GALNS: variants seen among roughly 807,000 people sequenced by gnomAD.
The protein encoded by GALNS is galactosamine (N-acetyl)-6-sulfatase, also known as N-acetylgalactosamine-6-sulfatase.
In GALNS, 65 loss-of-function variants were observed where a neutral mutation model predicts 65.9. The ratio of observed to expected loss-of-function variants is 0.99; its 90% confidence interval spans 0.81 to 1.21. The LOEUF (loss-of-function observed/expected upper bound fraction) is 1.21, where lower values mean the gene tolerates loss of function less well. Among genes scored for constraint, GALNS ranks in the 50% most tolerant of loss-of-function variants. The pLI, the probability that GALNS is intolerant of heterozygous loss-of-function variation, is 0.00. For synonymous variants in GALNS, 346 were observed against 288.9 expected (o/e 1.20, Z -2.00); for missense variants, 776 against 700.7 (o/e 1.11, Z -1.21).
In GALNS at chr16:88,842,418, C is replaced by T. The variant is rs1967019916; in HGVS notation, c.244+288G>A. 1.1e-5 allele frequency: 6 copies of T among 545,020 alleles called. No homozygotes were observed. In the South Asian group the frequency reaches 1.2e-4, roughly 11 times the overall value. 33.8% of individuals were successfully genotyped at this position (545,020 alleles called of 1,614,324 possible). On this transcript the variant is annotated intron_variant, in intron 2 of 13. Transcript: ENST00000268695. ...GGTACCCTGAGACGGAGCCACACTG[C>T]AGCACCTCTCCCCAGGCGGCCACAG...
intron 9 of GALNS, among the ~76,000 whole-genome samples, chr16:88,827,315 G>C (rs1911034194): frequency 6.6e-6 from 1 of 152,200 alleles, no homozygotes; most frequent in African/African-American, 2.4e-5. Flanking sequence ...GACACACCCA[G>C]AGAGCTCCAG....
At chr16:88,855,578 G>C (rs1261096501) in intron 1 of GALNS, 2 of 685,230 alleles carry the variant, frequency 2.9e-6, no homozygotes, top group Admixed American at 4.2e-5. Flanking sequence ...ACTGTCGGCT[G>C]TCACCCCTGG....
chr16:88,814,317 T>G lies in GALNS; in HGVS notation c.*122A>C. Reference sequence around the variant, plus strand: ...TGGAATTGTGCAGTCCCCCTGCGTCTGCAGGTGCTGTCTGTCTGGCTTGGG... The same window carrying G: ...TGGAATTGTGCAGTCCCCCTGCGTCGGCAGGTGCTGTCTGTCTGGCTTGGG... On this transcript the variant is annotated 3_prime_UTR_variant, in exon 14 of 14. Transcript: ENST00000268695. 7.7e-7 allele frequency: 1 copy of G among 1,303,292 alleles called. No individual in the cohort carries two copies. The highest frequency in any genetic ancestry group is 1.1e-6 in the Non-Finnish European group (1 of 924,726). The allele number at this position is 1,303,292 out of a possible 1,614,324, so 80.7% of individuals were successfully genotyped here.
At position 88,856,786 on chromosome 16, in the gene GALNS, G is replaced by A. The variant is rs771296544; in HGVS notation, c.92C>T (p.Pro31Leu). The A allele has an allele frequency of 2.6e-6, 4 of 1,543,384 alleles. No individual in the cohort carries two copies. In the South Asian group the frequency reaches 3.6e-5, roughly 14 times the overall value. The change falls in exon 1 of 14, where the codon CCC (proline) becomes CTC (leucine). Residue 31 changes from proline (P) to leucine (L), a missense_variant. Coordinates refer to ENST00000268695, the MANE Select transcript of GALNS (RefSeq NM_000512.5). Reference sequence around the variant, plus strand: ...GTCCATGAGCAGGAGCAGGATGTTGGGGGGCTGCGGGGCGCCCGAGGCCCC... The same window carrying A: ...GTCCATGAGCAGGAGCAGGATGTTGAGGGGCTGCGGGGCGCCCGAGGCCCC... Reference protein sequence around the residue: ...GMGASGAPQPPNILLLLMDDM... With the variant: ...GMGASGAPQPLNILLLLMDDM...
In GALNS at chr16:88,837,534, T is replaced by C. The variant is rs970228854; in HGVS notation, c.566+88A>G. Reference sequence around the variant, plus strand: ...CAGACCAGCCCTCATGAGTGGCGACTTGAGCCCACCAGTGCTAGAGGCGGG... The same window carrying C: ...CAGACCAGCCCTCATGAGTGGCGACCTGAGCCCACCAGTGCTAGAGGCGGG... On this transcript the variant is annotated intron_variant, in intron 5 of 13. Transcript: ENST00000268695. 3.5e-6 allele frequency: 5 copies of C among 1,414,046 alleles called. No individual in the cohort carries two copies. The African/African-American group carries it at 7.0e-5, about 20-fold the overall frequency. The allele number at this position is 1,414,046 out of a possible 1,614,324, so 87.6% of individuals were successfully genotyped here.
rs368128023 is a variant in GALNS, at chr16:88,842,782, G to C, written c.168C>G (p.Thr56=). 6.1e-5 allele frequency: 99 copies of C among 1,613,202 alleles called. No individual in the cohort carries two copies. The Middle Eastern group carries it at 8.2e-4, about 13-fold the overall frequency. The change falls in exon 2 of 14, where the codon ACC becomes ACG. Residue 56 remains threonine, a synonymous_variant. Coordinates refer to ENST00000268695, the MANE Select transcript of GALNS (RefSeq NM_000512.5). ...CTGCAGCCATCCGGTCCAAATTCGG[G>C]GTCTCTCTGGAGGGCTCTCCATACA... is the stretch of plus-strand genomic sequence containing the variant. ...LGVYGEPSRE[T]PNLDRMAAEG...
Position 88,826,778 on chromosome 16 carries a change from GGCCC to G in GALNS, c.1059_1062del (p.Gly354Ter). 6.2e-7 allele frequency: 1 copy of G among 1,604,592 alleles called. No individual in the cohort carries two copies. The highest frequency in any genetic ancestry group is 1.1e-5 in the South Asian group (1 of 89,748). On this transcript the variant is annotated frameshift_variant, in exon 10 of 14. Transcript: ENST00000268695. LOFTEE classifies it high-confidence loss of function. ...ATGGCCCTGTCGCTGGGCGGCGTCAGGCCCGCAAGGGCCAGGCTGGTGGTGAAGA... is the reference window on the plus strand; with the variant it reads ...ATGGCCCTGTCGCTGGGCGGCGTCAGGCAAGGGCCAGGCTGGTGGTGAAGA...
chr16:88,830,705 G>C (rs74035853), intron 9 of GALNS, among the ~76,000 whole-genome samples: 2 of 152,184 alleles, frequency 1.3e-5, no homozygotes, highest in African/African-American at 4.8e-5. Context: ...AGGAGATGCA[G>C]TGACAGCATG....
At chr16:88,842,289 C>T (rs920328504) in intron 2 of GALNS, 3 of 532,370 alleles carry the variant, frequency 5.6e-6, no homozygotes, top group Non-Finnish European at 6.8e-6. Flanking sequence ...GCACCAGCCC[C>T]GTGCCCTGCC....
intron 11 of GALNS, among the ~76,000 whole-genome samples, chr16:88,824,063 C>T (rs12927630): frequency 0.38 from 57,551 of 152,012 alleles, 11,081 homozygotes; most frequent in East Asian, 0.61. Flanking sequence ...CACTTCCAGT[C>T]TTTAGACTCT....
chr16:88,841,522 C>A (rs1009793782), intron 3 of GALNS, among the ~76,000 whole-genome samples: 3 of 152,192 alleles, frequency 2.0e-5, no homozygotes, highest in Non-Finnish European at 4.4e-5. Flanking sequence ...CTGTGAGATG[C>A]CCCTGGGGAG....
Position 88,835,243 on chromosome 16 carries a change from C to T in GALNS, c.868G>A (p.Gly290Ser), listed in dbSNP as rs975409254. ...NTFVFFTSDN[G>S]AALISAPEQG... ...TCGGGGGCGGAAATGAGGGCAGCGCCGTTGTCCGACGTGAAGAAGACGAAG... is the reference window on the plus strand; with the variant it reads ...TCGGGGGCGGAAATGAGGGCAGCGCTGTTGTCCGACGTGAAGAAGACGAAG... Residue 290 changes from glycine to serine, a missense_variant, in exon 8 of 14, where the codon GGC becomes AGC. Gly to Ser is a moderately conservative substitution (Grantham distance 56). Coordinates refer to ENST00000268695, the MANE Select transcript of GALNS (RefSeq NM_000512.5). The T allele has an allele frequency of 9.4e-6, 15 of 1,601,908 alleles. No individual in the cohort carries two copies. The highest frequency in any genetic ancestry group is 2.7e-5 in the African/African-American group (2 of 74,774).
At chr16:88,818,439 G>A (rs1025489994) in intron 12 of GALNS, among the ~76,000 whole-genome samples, 1 of 152,174 alleles carries the variant, frequency 6.6e-6, no homozygotes, top group African/African-American at 2.4e-5. Flanking sequence ...GGGATATGTG[G>A]GCTGGGGCCT....
intron 12 of GALNS, among the ~76,000 whole-genome samples, chr16:88,819,489 G>A (rs1160452482): frequency 1.3e-5 from 2 of 152,192 alleles, no homozygotes; most frequent in African/African-American, 2.4e-5. Flanking sequence ...ACTTTCTGAC[G>A]GTGAGCGTCC....
chr16:88,822,100 C>G lies in GALNS; in HGVS notation c.1364+489G>C, dbSNP rs1910287743. Among the ~76,000 whole-genome samples the G allele has an allele frequency of 3.3e-5, 5 of 152,176 alleles. No individual in the cohort carries two copies. The South Asian group carries it at 1.0e-3, about 32-fold the overall frequency. ...GTCTGGTACTGGCGACCATGACCCT[C>G]AAGACTCCTGAGGGTAAGGGGAGGG... is the stretch of plus-strand genomic sequence containing the variant. On this transcript the variant is annotated intron_variant, in intron 12 of 13. Coordinates refer to ENST00000268695, the MANE Select transcript of GALNS (RefSeq NM_000512.5).
intron 1 of GALNS, chr16:88,843,137 C>T: frequency 7.0e-7 from 1 of 1,432,422 alleles, no homozygotes; most frequent in African/African-American, 1.4e-5. Context: ...TGTCCGTCTG[C>T]CTCCTCCCAG....
chr16:88,835,787 G>C lies in GALNS; in HGVS notation c.696C>G (p.Val232=), dbSNP rs763342919. ...RHHPFFLYWA[V]DATHAPVYAS... ...CATAGACGGGTGCGTGCGTGGCGTC[G>C]ACAGCCCAGTAGAGGAAAAAGGGGT... Residue 232 remains valine (V), a synonymous_variant, in exon 7 of 14, where the codon GTC becomes GTG. Transcript: ENST00000268695. The C allele has an allele frequency of 1.2e-6, 2 of 1,614,106 alleles. No homozygotes were observed. Among genetic ancestry groups the C allele is most frequent in the Non-Finnish European group, 1.7e-6 (2 of 1,180,014 alleles).
chr16:88,840,991 C>CCA lies in GALNS; in HGVS notation c.421_422dup (p.Trp141CysfsTer13). On this transcript the variant is annotated frameshift_variant and splice_region_variant. Transcript: ENST00000268695. LOFTEE classifies it high-confidence loss of function. ...TGGGCAGGCGTGGCCAGGAGACTTA[C>CCA]CACTTGCCGACAATCTTGCTGACGT... The CCA allele has an allele frequency of 1.2e-6, 2 of 1,612,430 alleles. No homozygotes were observed. The highest frequency in any genetic ancestry group is 1.7e-6 in the Non-Finnish European group (2 of 1,179,184).
At position 88,814,499 on chromosome 16, in the gene GALNS, C is replaced by T. The variant is rs1344680652; in HGVS notation, c.1509G>A (p.Lys503=). 1.9e-6 allele frequency: 3 copies of T among 1,560,224 alleles called. No homozygotes were observed. The highest frequency in any genetic ancestry group is 1.7e-6 in the Non-Finnish European group (2 of 1,151,470). ...VMNWAPPGCE[K]LGKCLTPPES... is the part of the protein sequence containing the mutation. ...CTGGAGGTGTCAGACACTTCCCTAA[C>T]TTTTCACAGCCCGGAGGTGCCCAGT... Residue 503 remains lysine (K), a synonymous_variant, in exon 14 of 14, where the codon AAG becomes AAA. Coordinates refer to ENST00000268695, the MANE Select transcript of GALNS (RefSeq NM_000512.5).
Sources: gnomAD v4.1 joint callset for allele counts (sites outside exome capture counted in the v4.1 genomes callset) on GRCh38, gnomAD v4.1.1 for gene constraint, MANE v1.5 for transcripts, NCBI Gene and HGNC (gene_info 2026-07-23, HGNC 2026-07-21) for gene names.